SAMD4B: variants seen among roughly 807,000 people sequenced by gnomAD.
SAMD4B encodes the protein sterile alpha motif domain containing 4B, also known as protein Smaug homolog 2.
SAMD4B carries 5 observed loss-of-function variants against 74.5 expected under a neutral mutation model. The observed-to-expected ratio is 0.07, with a 90% CI of 0.04 to 0.14. The LOEUF (loss-of-function observed/expected upper bound fraction) is 0.14, where lower values mean the gene tolerates loss of function less well. Ranked by LOEUF, SAMD4B falls within the 10% of genes least tolerant of loss-of-function variation. SAMD4B has a pLI of 1.00. For synonymous variants in SAMD4B, 373 were observed against 374.9 expected, an observed-to-expected ratio of 1.00 and a Z score of 0.06; for missense variants, 608 against 921.8, an observed-to-expected ratio of 0.66 and a Z score of 4.41.
At chr19:39,373,756 G>A (rs1163384108) in intron 4 of SAMD4B, among the ~76,000 whole-genome samples, 1 of 151,982 alleles carries the variant, frequency 6.6e-6, no homozygotes, top group Non-Finnish European at 1.5e-5. Context: ...GAGGTCGGGA[G>A]TTCAAGACCA....
chr19:39,375,509 G>T lies in SAMD4B; in HGVS notation c.668-141G>T, dbSNP rs1000213780. On this transcript the variant is annotated intron_variant, in intron 4 of 13. Coordinates refer to ENST00000610417, the MANE Select transcript of SAMD4B (RefSeq NM_001384574.2). The surrounding 1 kb of genome is among the most constrained non-coding windows in gnomAD (Gnocchi z 4.1). ...TAAGAGAATGAGGTATATCTGGTAG[G>T]CAGTTACCCTTGGACCCCAGGTCCC... is the stretch of plus-strand genomic sequence containing the variant. 1 of 1,022,668 alleles carries T rather than the reference G, an allele frequency of 9.8e-7. No individual in the cohort carries two copies. The highest frequency in any genetic ancestry group is 1.6e-5 in the South Asian group (1 of 64,074). The allele number at this position is 1,022,668 out of a possible 1,614,324, so 63.3% of individuals were successfully genotyped here. A position where few individuals can be genotyped will look rare whatever the true frequency, so the allele number is the denominator to read the frequency against.
In SAMD4B at chr19:39,375,518, C is replaced by G; in HGVS notation, c.668-132C>G. On this transcript the variant is annotated intron_variant, in intron 4 of 13. Transcript: ENST00000610417. The surrounding 1 kb of genome is among the most constrained non-coding windows in gnomAD (Gnocchi z 4.1). The stretch of plus-strand genomic sequence containing the variant: ...GAGGTATATCTGGTAGGCAGTTACC[C>G]TTGGACCCCAGGTCCCTTCCTCTTG... 8.4e-7 allele frequency: 1 copy of G among 1,184,080 alleles called. No homozygotes were observed. Among genetic ancestry groups the G allele is most frequent in the Non-Finnish European group, 1.2e-6 (1 of 833,956 alleles). 73.3% of individuals were successfully genotyped at this position (1,184,080 alleles called of 1,614,324 possible).
At chr19:39,386,084 A>G (rs775782448), downstream of SAMD4B, 2 of 1,613,888 alleles carry the variant, frequency 1.2e-6, no homozygotes, top group Non-Finnish European at 1.7e-6. This position sits in a 1 kb window ranked among gnomAD's most constrained non-coding sequence, Gnocchi z 6.1. Context: ...TGGGGAAGGG[A>G]CTGGCGCTGC....
At chr19:39,353,132 AAAG>A (rs1339206624) in intron 1 of SAMD4B, among the ~76,000 whole-genome samples, 2 of 152,186 alleles carry the variant, frequency 1.3e-5, no homozygotes, top group African/African-American at 2.4e-5. Context: ...TTTGGGACTG[AAAG>A]CCACAAAATG....
rs757371035 is a variant in SAMD4B, at chr19:39,375,940, G to A, written c.907+51G>A. ...ACCCTTTTCCAGGGGCTTCTGCAGA[G>A]CTTAGAGGACAGAAAGGAGCTTGTA... On this transcript the variant is annotated intron_variant, in intron 5 of 13. Transcript: ENST00000610417. This position sits in a 1 kb window ranked among gnomAD's most constrained non-coding sequence, Gnocchi z 4.1. 1.9e-6 allele frequency: 3 copies of A among 1,579,154 alleles called. No homozygotes were observed. Among genetic ancestry groups the A allele is most frequent in the Non-Finnish European group, 1.7e-6 (2 of 1,165,884 alleles).
chr19:39,386,664 T>G (rs768511131), downstream of SAMD4B: 2 of 1,593,348 alleles, frequency 1.3e-6, no homozygotes, highest in Non-Finnish European at 1.7e-6. The surrounding 1 kb of genome is among the most constrained non-coding windows in gnomAD (Gnocchi z 6.1). Context: ...CTCCCTGCCA[T>G]GGGTGCCCTG....
At chr19:39,390,324 A>G, downstream of SAMD4B, 1 of 1,592,586 alleles carries the variant, frequency 6.3e-7, no homozygotes, top group Non-Finnish European at 8.6e-7. Flanking sequence ...ATAGGTGGAG[A>G]GGACGGGATT....
At chr19:39,366,215 C>G (rs2076953455) in intron 3 of SAMD4B, among the ~76,000 whole-genome samples, 1 of 152,132 alleles carries the variant, frequency 6.6e-6, no homozygotes, top group Non-Finnish European at 1.5e-5. Context: ...ACTCAGGAGA[C>G]TGAGGCAGGA....
In SAMD4B at chr19:39,368,947, C is replaced by G. The variant is rs183925750; in HGVS notation, c.197-708C>G. 7.4e-4 allele frequency among the ~76,000 whole-genome samples: 112 copies of G among 152,316 alleles called. 1 individual carries two copies. Among genetic ancestry groups the G allele is most frequent in the Non-Finnish European group, 8.5e-4 (58 of 68,024 alleles). On this transcript the variant is annotated intron_variant, in intron 3 of 13. Transcript: ENST00000610417. ...TAACTACCATATACCACTGCCTTCT[C>G]CATTCAGGAAGGAGACTGCTTTTTG...
At position 39,375,007 on chromosome 19, in the gene SAMD4B, C is replaced by T. The variant is rs577697902; in HGVS notation, c.668-643C>T. Among the ~76,000 whole-genome samples the T allele has an allele frequency of 6.6e-6, 1 of 151,976 alleles. No homozygotes were observed. Among genetic ancestry groups the T allele is most frequent in the Non-Finnish European group, 1.5e-5 (1 of 68,004 alleles). On this transcript the variant is annotated intron_variant, in intron 4 of 13. Coordinates refer to ENST00000610417, the MANE Select transcript of SAMD4B (RefSeq NM_001384574.2). This position sits in a 1 kb window ranked among gnomAD's most constrained non-coding sequence, Gnocchi z 4.1. ...GGTTCAGGGTAGGCCTCAGAGGAGG[C>T]GACACTTGAGATGAGACTTGAGGGA...
At chr19:39,348,871 A>G (rs1226801957) in intron 1 of SAMD4B, among the ~76,000 whole-genome samples, 1 of 152,160 alleles carries the variant, frequency 6.6e-6, no homozygotes, top group Non-Finnish European at 1.5e-5. Context: ...GGACTTGATG[A>G]TGGGATTAGA....
At chr19:39,390,192 C>A (rs759768915), downstream of SAMD4B, 4 of 1,611,038 alleles carry the variant, frequency 2.5e-6, no homozygotes, top group African/African-American at 4.0e-5. Context: ...AAAGTGGGCC[C>A]CCGCTGCCCC....
chr19:39,352,500 A>C (rs1007965620), intron 1 of SAMD4B: 18 of 151,976 alleles, frequency 1.2e-4, no homozygotes, highest in African/African-American at 4.1e-4. Flanking sequence ...AAAAAAAAAA[A>C]AAAAAAAACC....
intron 7 of SAMD4B, 48 bp downstream of exon 7, chr19:39,376,839 G>C: frequency 6.5e-7 from 1 of 1,539,598 alleles, no homozygotes; most frequent in Non-Finnish European, 9.0e-7. Context: ...CCACTTGGTG[G>C]TACCAGTAGA....
At chr19:39,388,014 G>A (rs1023040542), downstream of SAMD4B, among the ~76,000 whole-genome samples, 1 of 152,130 alleles carries the variant, frequency 6.6e-6, no homozygotes, top group Non-Finnish European at 1.5e-5. Flanking sequence ...GCTGGCACAC[G>A]CCTGTGATGC....
At chr19:39,343,329 C>G (rs2075447701) in intron 1 of SAMD4B, among the ~76,000 whole-genome samples, 1 of 150,858 alleles carries the variant, frequency 6.6e-6, no homozygotes, top group African/African-American at 2.4e-5. Context: ...TTCCCCCTCC[C>G]AGAAGTCCTT....
At chr19:39,388,066 AG>A (rs2078291921), downstream of SAMD4B, among the ~76,000 whole-genome samples, 1 of 152,170 alleles carries the variant, frequency 6.6e-6, no homozygotes, top group African/African-American at 2.4e-5. Flanking sequence ...ACTTGAACCC[AG>A]GAAGCGGAGG....
intron 3 of SAMD4B, among the ~76,000 whole-genome samples, chr19:39,360,709 C>T (rs1163141569): frequency 6.6e-6 from 1 of 152,160 alleles, no homozygotes; most frequent in Admixed American, 6.5e-5. Flanking sequence ...GGAGACCTGC[C>T]TCAAAGAAGG....
intron 12 of SAMD4B, 184 bp downstream of exon 12, chr19:39,381,297 A>G: frequency 1.6e-6 from 1 of 634,860 alleles, no homozygotes; most frequent in Non-Finnish European, 2.5e-6. Flanking sequence ...CTTCAATTTT[A>G]TCTCTCAGGT....
Sources: allele counts gnomAD v4.1 joint callset (sites outside exome capture counted in the v4.1 genomes callset), GRCh38; gene constraint gnomAD v4.1.1; non-coding constraint Gnocchi (gnomAD v3.1); transcripts MANE v1.5; gene names NCBI Gene and HGNC (gene_info 2026-07-23, HGNC 2026-07-21).